Variants in SFI1 observed in about 807,000 individuals in gnomAD.
SFI1 encodes protein SFI1 homolog.
SFI1 carries 195 observed loss-of-function variants against 207.5 expected under a neutral mutation model. The observed-to-expected ratio is 0.94, with a 90% CI of 0.84 to 1.06. The LOEUF (loss-of-function observed/expected upper bound fraction) is 1.06, where lower values mean the gene tolerates loss of function less well. SFI1 is among the 50% of genes least tolerant of loss of function. The pLI, the probability that SFI1 is intolerant of heterozygous loss-of-function variation, is 0.00. For missense variants in SFI1, 1,634 were observed against 1,588.0 expected, an observed-to-expected ratio of 1.03 and a Z score of -0.49; for synonymous variants, 630 against 598.9, an observed-to-expected ratio of 1.05 and a Z score of -0.76.
intron 15 of SFI1, among the ~76,000 whole-genome samples, chr22:31,595,446 G>T (rs1323892050): frequency 6.6e-6 from 1 of 152,218 alleles, no homozygotes; most frequent in Non-Finnish European, 1.5e-5. Context: ...ATTCTGAGAG[G>T]TCAGGTTCAA....
intron 15 of SFI1, among the ~76,000 whole-genome samples, chr22:31,589,890 G>A (rs1404860204): frequency 2.0e-5 from 3 of 151,734 alleles, no homozygotes; most frequent in Non-Finnish European, 2.9e-5. Flanking sequence ...TACATGAAGA[G>A]ACTTATTATG....
chr22:31,567,261 A>C (rs1291847969), intron 8 of SFI1, among the ~76,000 whole-genome samples: 1 of 152,160 alleles, frequency 6.6e-6, no homozygotes, highest in Non-Finnish European at 1.5e-5. Flanking sequence ...AGGTTAGAAA[A>C]ATTGTCATAT....
intron 8 of SFI1, among the ~76,000 whole-genome samples, chr22:31,572,030 A>G (rs1467168241): frequency 6.6e-6 from 1 of 152,156 alleles, no homozygotes; most frequent in Non-Finnish European, 1.5e-5. Context: ...GGTGAGAGAT[A>G]GCCAGAGCTG....
At chr22:31,585,164 A>G (rs747891656) in intron 14 of SFI1, 30 bp downstream of exon 14, 126 of 1,576,666 alleles carry the variant, frequency 8.0e-5, no homozygotes, top group South Asian at 6.3e-4. Flanking sequence ...AGATAGCTCT[A>G]CTGGCTTACA....
Position 31,583,953 on chromosome 22 carries a change from G to C in SFI1, c.1327G>C (p.Ala443Pro), listed in dbSNP as rs1467308733. 6 of 1,614,082 alleles carry C rather than the reference G, an allele frequency of 3.7e-6. No homozygotes were observed. Among genetic ancestry groups the C allele is most frequent in the Non-Finnish European group, 5.1e-6 (6 of 1,179,976 alleles). ...KERELLPLLH[A>P]AWDHYRIALL... ...AAGAGAGCTGCTCCCCTTACTGCATGCTGCCTGGGACCACTACAGGTAGGG... is the reference window on the plus strand; with the variant it reads ...AAGAGAGCTGCTCCCCTTACTGCATCCTGCCTGGGACCACTACAGGTAGGG... Residue 443 changes from alanine (A) to proline (P), a missense_variant, in exon 13 of 33, where the codon GCT becomes CCT. By Grantham distance (27) the Ala-to-Pro change is conservative. Transcript: ENST00000400288.
intron 21 of SFI1, 48 bp from the exon 22 acceptor site, chr22:31,607,889 A>G: frequency 1.9e-6 from 3 of 1,571,990 alleles, no homozygotes; most frequent in Non-Finnish European, 2.6e-6. Flanking sequence ...GTGGACCCGG[A>G]AGCCAGGAGG....
rs573172089 is a variant in SFI1 at position 31,601,702 on chromosome 22, G to A, written c.1545-510G>A. Among the ~76,000 whole-genome samples, 15 of 152,320 alleles carry A rather than the reference G, an allele frequency of 9.8e-5. No individual in the cohort carries two copies. The East Asian group carries it at 2.5e-3, about 25-fold the overall frequency. On this transcript the variant is annotated intron_variant, in intron 15 of 32. Coordinates refer to ENST00000400288, the MANE Select transcript of SFI1 (RefSeq NM_001007467.3). ...TGATACCAGAAACAACCTGGAAAAT[G>A]TTGGCCTTTTTAACAGTTTATGGTT... is the stretch of plus-strand genomic sequence containing the variant.
chr22:31,558,214 A>T (rs1284512256), intron 7 of SFI1, among the ~76,000 whole-genome samples: 1 of 152,208 alleles, frequency 6.6e-6, no homozygotes, highest in Admixed American at 6.6e-5. Flanking sequence ...ATCAGTGGAC[A>T]TAAAGAAGTT....
intron 1 of SFI1, among the ~76,000 whole-genome samples, chr22:31,500,811 T>C (rs1249039638): frequency 7.2e-6 from 1 of 139,860 alleles, no homozygotes; most frequent in Non-Finnish European, 1.5e-5. Context: ...TTTTTGTTTT[T>C]TTTTTTGAGT....
rs746433090 is a variant in SFI1, at chr22:31,556,978, G to GGTT, written c.583_585dup (p.Leu195dup). On this transcript the variant is annotated inframe_insertion, in exon 7 of 33. Coordinates refer to ENST00000400288, the MANE Select transcript of SFI1 (RefSeq NM_001007467.3). ...AAGATGCGACAGGCCTGGAAGTCCT[G>GGTT]GTTGATCTACGTGGTTGTTCGTAGG... 6.2e-7 allele frequency: 1 copy of GGTT among 1,611,520 alleles called. No homozygotes were observed. Among genetic ancestry groups the GGTT allele is most frequent in the Non-Finnish European group, 8.5e-7 (1 of 1,178,598 alleles).
chr22:31,572,065 T>C (rs567082507), intron 8 of SFI1, among the ~76,000 whole-genome samples: 1 of 152,058 alleles, frequency 6.6e-6, no homozygotes, highest in African/African-American at 2.4e-5. Context: ...GGGACTGACG[T>C]TGGTGGGAGC....
chr22:31,570,935 G>A (rs2145793460), intron 8 of SFI1, among the ~76,000 whole-genome samples: 1 of 152,308 alleles, frequency 6.6e-6, no homozygotes, highest in East Asian at 1.9e-4. Flanking sequence ...AGGGAGGTGA[G>A]GACCAAAATC....
At chr22:31,594,264 G>A (rs1374524246) in intron 15 of SFI1, among the ~76,000 whole-genome samples, 1 of 151,968 alleles carries the variant, frequency 6.6e-6, no homozygotes, top group Non-Finnish European at 1.5e-5. Flanking sequence ...AATTACAAAG[G>A]TCGGGCCGGG....
chr22:31,528,030 C>T (rs1395289008), intron 2 of SFI1, among the ~76,000 whole-genome samples: 1 of 152,072 alleles, frequency 6.6e-6, no homozygotes, highest in East Asian at 1.9e-4. Context: ...AGGAGAATTG[C>T]TTGAACCCGG....
At chr22:31,560,398 CTCTT>C (rs1416127151) in intron 7 of SFI1, among the ~76,000 whole-genome samples, 5 of 139,396 alleles carry the variant, frequency 3.6e-5, no homozygotes, top group Non-Finnish European at 7.7e-5. Context: ...GTTGGTAATA[CTCTT>C]TTTTTTTTTT....
At chr22:31,604,547 C>T (rs1239984228) in intron 19 of SFI1, 143 bp downstream of exon 19, 8 of 714,876 alleles carry the variant, frequency 1.1e-5, no homozygotes, top group South Asian at 3.9e-5. Context: ...CCCCGGACAG[C>T]GGGCCTTAGG....
intron 6 of SFI1, among the ~76,000 whole-genome samples, chr22:31,554,650 G>T (rs1321454384): frequency 1.3e-5 from 2 of 149,568 alleles, no homozygotes; most frequent in Non-Finnish European, 3.0e-5. Context: ...TGTCACCCAG[G>T]ATGGAGTGCA....
chr22:31,552,736 T>C (rs111272571), intron 6 of SFI1, among the ~76,000 whole-genome samples: 4 of 152,324 alleles, frequency 2.6e-5, no homozygotes, highest in African/African-American at 7.2e-5. Context: ...TTTTAGTTCT[T>C]TGAGAAATCT....
chr22:31,604,536 G>A, intron 19 of SFI1, 132 bp downstream of exon 19: 1 of 779,778 alleles, frequency 1.3e-6, no homozygotes, highest in Non-Finnish European at 2.0e-6. Context: ...CCAAGCAGGT[G>A]CCCCGGACAG....
Sources: allele counts gnomAD v4.1 joint callset (sites outside exome capture counted in the v4.1 genomes callset), GRCh38; gene constraint gnomAD v4.1.1; transcripts MANE v1.5; gene names NCBI Gene and HGNC (gene_info 2026-07-23, HGNC 2026-07-21).